Variants in RANBP2 observed in about 807,000 individuals in gnomAD.
RANBP2 encodes the protein RAN binding protein 2.
A neutral mutation model predicts 303.6 loss-of-function variants in RANBP2; 57 were observed. The ratio of observed to expected loss-of-function variants is 0.19; its 90% CI spans 0.15 to 0.23. The LOEUF (loss-of-function observed/expected upper bound fraction) is 0.23, where lower values mean the gene tolerates loss of function less well. RANBP2 is among the 10% of genes least tolerant of loss of function. The pLI, the probability that RANBP2 is intolerant of heterozygous loss-of-function variation, is 1.00. For synonymous variants in RANBP2, 1,167 were observed against 1,301.5 expected, an observed-to-expected ratio of 0.90 and a Z score of 2.23; for missense variants, 3,138 against 3,780.8, an observed-to-expected ratio of 0.83 and a Z score of 4.46.
chr2:109,248,797 GTCTC>G, the RANBP2 span, among the ~76,000 whole-genome samples: 4 of 142,236 alleles, frequency 2.8e-5, no homozygotes, highest in Non-Finnish European at 3.0e-5. Context: ...TTCTCTTTCT[GTCTC>G]TCTTTCTCTT....
At chr2:109,686,337 C>T in the RANBP2 span, among the ~76,000 whole-genome samples, 6 of 152,180 alleles carry the variant, frequency 3.9e-5, no homozygotes, top group South Asian at 2.1e-4. Flanking sequence ...TTCTTTGAGA[C>T]GGAGCCTTAC....
the RANBP2 span, among the ~76,000 whole-genome samples, chr2:109,222,462 A>C: frequency 6.6e-6 from 1 of 151,922 alleles, no homozygotes; most frequent in Non-Finnish European, 1.5e-5. Context: ...AAATATGTAC[A>C]ATTATTATGT....
At chr2:109,589,461 C>T in the RANBP2 span, among the ~76,000 whole-genome samples, 7 of 151,940 alleles carry the variant, frequency 4.6e-5, no homozygotes, top group African/African-American at 7.3e-5. Flanking sequence ...GAACCTGAGG[C>T]GGAAGTTGCA....
At chr2:109,106,348 G>T in the RANBP2 span, among the ~76,000 whole-genome samples, 104 of 152,136 alleles carry the variant, frequency 6.8e-4, no homozygotes, top group African/African-American at 2.2e-3. Flanking sequence ...ACCTCATTTC[G>T]TTTAAGAAAT....
intron 25 of RANBP2, 105 bp from the exon 26 acceptor site, chr2:108,781,164 G>A: frequency 8.8e-7 from 1 of 1,132,504 alleles, no homozygotes; most frequent in South Asian, 1.3e-5. Flanking sequence ...TAAAATTGAT[G>A]TACATATTAC....
the RANBP2 span, among the ~76,000 whole-genome samples, chr2:109,563,880 C>A: frequency 5.3e-5 from 8 of 151,942 alleles, no homozygotes; most frequent in African/African-American, 1.9e-4. Context: ...CAAAGCTTTG[C>A]GAGGCTGAGG....
At chr2:109,668,088 G>A in the RANBP2 span, 1 of 153,764 alleles carries the variant, frequency 6.5e-6, no homozygotes. Context: ...AACAAGTCAG[G>A]GGGCGAGAGC....
intron 24 of RANBP2, 26 bp from the exon 25 acceptor site, chr2:108,777,096 TAAATAGTA>T (rs1677942817): frequency 1.3e-6 from 2 of 1,585,276 alleles, no homozygotes; most frequent in African/African-American, 1.3e-5. Flanking sequence ...CAGCACAAAT[TAAATAGTA>T]AATTGTTCTT....
chr2:109,171,303 A>T, the RANBP2 span, among the ~76,000 whole-genome samples: 1 of 152,046 alleles, frequency 6.6e-6, no homozygotes, highest in Non-Finnish European at 1.5e-5. Context: ...TTTCCTTGTC[A>T]TATCTATTTC....
the RANBP2 span, among the ~76,000 whole-genome samples, chr2:108,913,224 C>T: frequency 1.3e-5 from 2 of 151,884 alleles, no homozygotes; most frequent in Admixed American, 6.6e-5. Flanking sequence ...GCTGGGATTA[C>T]AGGCATGAGC....
At chr2:109,556,967 A>G in the RANBP2 span, among the ~76,000 whole-genome samples, 1 of 152,146 alleles carries the variant, frequency 6.6e-6, no homozygotes, top group African/African-American at 2.4e-5. Context: ...TGGGAATTCA[A>G]CAATGAGAAC....
At chr2:109,529,091 G>A in the RANBP2 span, among the ~76,000 whole-genome samples, 7 of 152,340 alleles carry the variant, frequency 4.6e-5, no homozygotes, top group East Asian at 3.9e-4. Context: ...CCATGGCTGC[G>A]GCTCCATCCA....
At chr2:109,152,065 T>C in the RANBP2 span, among the ~76,000 whole-genome samples, 1 of 152,262 alleles carries the variant, frequency 6.6e-6, no homozygotes, top group Non-Finnish European at 1.5e-5. Flanking sequence ...ATCAGCAGTC[T>C]ATTTTCAGTG....
At chr2:109,540,025 CTT>C in the RANBP2 span, among the ~76,000 whole-genome samples, 1,450 of 152,250 alleles carry the variant, frequency 9.5e-3, 63 homozygotes, top group East Asian at 0.12. Flanking sequence ...CTTCATTCCT[CTT>C]GAGTACACAT....
At chr2:109,007,261 C>T in the RANBP2 span, among the ~76,000 whole-genome samples, 1 of 152,216 alleles carries the variant, frequency 6.6e-6, no homozygotes, top group African/African-American at 2.4e-5. Flanking sequence ...CCCACTTTTA[C>T]TATTTTGATC....
chr2:109,593,709 A>G, the RANBP2 span, among the ~76,000 whole-genome samples: 1 of 151,898 alleles, frequency 6.6e-6, no homozygotes, highest in Non-Finnish European at 1.5e-5. Flanking sequence ...TGGCCTTTTC[A>G]TTTTTAAAGA....
At chr2:109,513,468 T>A in the RANBP2 span, among the ~76,000 whole-genome samples, 15 of 141,244 alleles carry the variant, frequency 1.1e-4, no homozygotes, top group Admixed American at 9.2e-4. Flanking sequence ...ATATAGACAC[T>A]CCACATGTAC....
the RANBP2 span, among the ~76,000 whole-genome samples, chr2:109,324,806 T>C: frequency 6.6e-6 from 1 of 152,320 alleles, no homozygotes; most frequent in East Asian, 1.9e-4. Flanking sequence ...TGAATCTGCC[T>C]GTAACTCCAA....
At chr2:109,585,893 A>C in the RANBP2 span, 2 of 1,348,728 alleles carry the variant, frequency 1.5e-6, no homozygotes, top group East Asian at 4.7e-5. Context: ...CTTTGACTTA[A>C]ATAGGATGTA....
Sources: allele counts gnomAD v4.1 joint callset (sites outside exome capture counted in the v4.1 genomes callset), GRCh38; gene constraint gnomAD v4.1.1; transcripts MANE v1.5; gene names NCBI Gene and HGNC (gene_info 2026-07-23, HGNC 2026-07-21).